FRY: variants seen among roughly 807,000 people sequenced by gnomAD.
FRY encodes the protein FRY microtubule binding protein, also known as protein furry homolog.
FRY carries 128 observed loss-of-function variants against 348.4 expected under a neutral mutation model. That is an observed-to-expected ratio of 0.37 (90% CI 0.32 to 0.43). The LOEUF (loss-of-function observed/expected upper bound fraction) is 0.43, where lower values mean the gene tolerates loss of function less well. FRY is among the 20% of genes least tolerant of loss of function. The pLI is 1.00. For missense variants in FRY, 2,736 were observed against 3,695.2 expected, an observed-to-expected ratio of 0.74 and a Z score of 6.73; for synonymous variants, 1,370 against 1,374.7, an observed-to-expected ratio of 1.00 and a Z score of 0.08.
At chr13:32,209,798 C>A in intron 33 of FRY, 67 bp downstream of exon 33, 1 of 1,459,146 alleles carries the variant, frequency 6.9e-7, no homozygotes, top group Non-Finnish European at 9.6e-7. Context: ...ATTTGCAAGT[C>A]AGAATGTGCT....
intron 29 of FRY, among the ~76,000 whole-genome samples, chr13:32,194,963 T>G (rs2138300919): frequency 6.6e-6 from 1 of 152,302 alleles, no homozygotes; most frequent in East Asian, 1.9e-4. Context: ...TTGAAAATAT[T>G]CATATAGAGT....
At chr13:32,143,740 C>T (rs548543044) in intron 11 of FRY, among the ~76,000 whole-genome samples, 1 of 152,160 alleles carries the variant, frequency 6.6e-6, no homozygotes, top group African/African-American at 2.4e-5. Flanking sequence ...AGAAGAGAAG[C>T]TCCTTAAAGG....
chr13:32,174,400 C>A (rs1398250458), intron 19 of FRY, among the ~76,000 whole-genome samples: 1 of 152,088 alleles, frequency 6.6e-6, no homozygotes, highest in Non-Finnish European at 1.5e-5. Context: ...TTTTAGCAAA[C>A]CTTCATCAAG....
At chr13:32,244,699 A>C (rs1886686540) in intron 47 of FRY, among the ~76,000 whole-genome samples, 1 of 152,216 alleles carries the variant, frequency 6.6e-6, no homozygotes, top group Non-Finnish European at 1.5e-5. Context: ...GGGATAAATA[A>C]AACAAGATGA....
intron 39 of FRY, among the ~76,000 whole-genome samples, chr13:32,227,877 G>T (rs12869814): frequency 6.7e-6 from 1 of 150,138 alleles, no homozygotes; most frequent in African/African-American, 2.5e-5. Context: ...TCAGCCTCCC[G>T]AGTAGCTGGG....
At chr13:32,193,583 T>A (rs1032015511) in intron 28 of FRY, among the ~76,000 whole-genome samples, 1 of 135,348 alleles carries the variant, frequency 7.4e-6, no homozygotes, top group African/African-American at 2.8e-5. Context: ...GCCAATAAAG[T>A]CTTCGTCCTT....
chr13:32,122,166 G>T lies in FRY; in HGVS notation c.465-2120G>T, dbSNP rs536458358. ...ATGCAGAAAAAGCATTAGACAGGCC[G>T]GGCGCAGTGGCTCACACCTGTAATC... On this transcript the variant is annotated intron_variant, in intron 4 of 60. Transcript: ENST00000542859. 2.4e-3 allele frequency among the ~76,000 whole-genome samples: 366 copies of T among 152,220 alleles called. 4 individuals carry two copies. Among genetic ancestry groups the T allele is most frequent in the African/African-American group, 8.2e-3 (341 of 41,518 alleles).
intron 1 of FRY, among the ~76,000 whole-genome samples, chr13:32,059,934 G>A (rs1038417186): frequency 1.3e-5 from 2 of 152,188 alleles, no homozygotes; most frequent in African/African-American, 4.8e-5. Flanking sequence ...GTAGCATGGG[G>A]CATCTTTGCT....
intron 7 of FRY, among the ~76,000 whole-genome samples, chr13:32,130,554 C>T (rs540566272): frequency 5.5e-5 from 8 of 146,630 alleles, no homozygotes; most frequent in Admixed American, 4.1e-4. Context: ...TCTATGTGTA[C>T]ATTTCTCTAC....
chr13:32,106,496 T>G (rs1434483778), intron 3 of FRY, among the ~76,000 whole-genome samples: 3 of 152,214 alleles, frequency 2.0e-5, no homozygotes, highest in African/African-American at 7.2e-5. Context: ...AGCAAGATTA[T>G]TTTTTCTTTC....
In FRY at chr13:32,297,291, T is replaced by C. The variant is rs2072077718; in HGVS notation, c.*1831T>C. The C allele has an allele frequency of 6.6e-6, 1 of 152,220 alleles. No homozygotes were observed. Among genetic ancestry groups the C allele is most frequent in the Admixed American group, 6.5e-5 (1 of 15,284 alleles). The allele number at this position is 152,220 out of a possible 1,614,324, so 9.4% of individuals were successfully genotyped here. A position where few individuals can be genotyped will look rare whatever the true frequency, so the allele number is the denominator to read the frequency against. ...TATTTTTTTCAACTTGCCTGAAAGATGATTTGCTATGATTTGTAGAAACAA... is the reference window on the plus strand; with the variant it reads ...TATTTTTTTCAACTTGCCTGAAAGACGATTTGCTATGATTTGTAGAAACAA... On this transcript the variant is annotated 3_prime_UTR_variant, in exon 61 of 61. Transcript: ENST00000542859.
At chr13:32,049,348 A>G (rs1310504610) in intron 1 of FRY, among the ~76,000 whole-genome samples, 2 of 152,206 alleles carry the variant, frequency 1.3e-5, no homozygotes, top group Admixed American at 6.5e-5. Flanking sequence ...TGTGTATACA[A>G]AGGCAAGTTG....
chr13:32,276,101 A>G (rs1888522650), intron 56 of FRY, among the ~76,000 whole-genome samples: 1 of 152,226 alleles, frequency 6.6e-6, no homozygotes, highest in South Asian at 2.1e-4. Flanking sequence ...TAAGTTTGAA[A>G]GTCTTTTTGG....
chr13:32,225,687 C>G, intron 38 of FRY, 102 bp from the exon 39 acceptor site: 1 of 954,884 alleles, frequency 1.0e-6, no homozygotes, highest in Non-Finnish European at 1.7e-6. Context: ...ACTAAACATT[C>G]TTTTAACATG....
intron 3 of FRY, among the ~76,000 whole-genome samples, chr13:32,107,166 G>C (rs149124216): frequency 0.025 from 3,749 of 152,260 alleles, 57 homozygotes; most frequent in Non-Finnish European, 0.038. Context: ...AGACCAGCCT[G>C]GCCAACATGG....
chr13:32,278,367 A>G (rs947473025), intron 57 of FRY, 98 bp from the exon 58 acceptor site: 1 of 763,798 alleles, frequency 1.3e-6, no homozygotes, highest in East Asian at 2.5e-5. Context: ...TTTTACTATT[A>G]TTAGAACTTT....
chr13:32,164,940 G>C (rs1462346437), intron 17 of FRY, among the ~76,000 whole-genome samples: 2 of 152,196 alleles, frequency 1.3e-5, no homozygotes, highest in Non-Finnish European at 2.9e-5. Flanking sequence ...AGGGCTTGCT[G>C]TTGAGTATTC....
At position 32,171,203 on chromosome 13, in the gene FRY, A is replaced by C; in HGVS notation, c.2084A>C (p.Gln695Pro). ...AAGTTGCTGCTGCAGCTGCTCACCC[A>C]GTGGAAACTAGTCATCCAGACACAA... is the stretch of plus-strand genomic sequence containing the variant. The part of the protein sequence containing the change: ...SLKLLLQLLT[Q>P]WKLVIQTQGK... Residue 695 changes from glutamine to proline, a missense_variant, in exon 18 of 61, where the codon CAG (glutamine) becomes CCG (proline). Gln to Pro is a moderately conservative substitution (Grantham distance 76). Coordinates refer to ENST00000542859, the MANE Select transcript of FRY (RefSeq NM_023037.3). 1 of 1,612,690 alleles carries C rather than the reference A, an allele frequency of 6.2e-7. No individual in the cohort carries two copies. The highest frequency in any genetic ancestry group is 8.5e-7 in the Non-Finnish European group (1 of 1,179,020).
At chr13:32,213,248 C>G (rs1200169766) in intron 35 of FRY, among the ~76,000 whole-genome samples, 1 of 152,202 alleles carries the variant, frequency 6.6e-6, no homozygotes, top group Non-Finnish European at 1.5e-5. Flanking sequence ...AGGATTTCAT[C>G]ATGTGTATTG....
Sources: allele counts gnomAD v4.1 joint callset (sites outside exome capture counted in the v4.1 genomes callset), GRCh38; gene constraint gnomAD v4.1.1; transcripts MANE v1.5; gene names NCBI Gene and HGNC (gene_info 2026-07-23, HGNC 2026-07-21).